The following DHRS9 variants were observed in gnomAD, a reference collection of about 807,000 sequenced individuals.
The protein encoded by DHRS9 is dehydrogenase/reductase SDR family member 9.
In DHRS9, 18 loss-of-function variants were observed where a neutral mutation model predicts 26.6. The ratio of observed to expected loss-of-function variants is 0.68; its 90% CI spans 0.47 to 1.00. DHRS9 has a LOEUF of 1.00. DHRS9 is among the 50% of genes least tolerant of loss of function. The probability of loss-of-function intolerance (pLI) is 0.00; values close to 1 mark genes in which losing one functional copy is unlikely to be tolerated. For synonymous variants in DHRS9, 134 were observed against 141.1 expected (o/e 0.95, Z 0.36); for missense variants, 425 against 378.7 (o/e 1.12, Z -1.01).
upstream of DHRS9, chr2:169,067,351 C>T (rs1683674542): frequency 6.7e-7 from 1 of 1,498,514 alleles, no homozygotes; most frequent in Non-Finnish European, 8.9e-7. Flanking sequence ...TGCAGGAAGC[C>T]TAACGTATGT....
At chr2:169,076,435 T>C (rs1319956412) in intron 1 of DHRS9, among the ~76,000 whole-genome samples, 1 of 152,238 alleles carries the variant, frequency 6.6e-6, no homozygotes, top group Non-Finnish European at 1.5e-5. Flanking sequence ...TGTTTAGAAA[T>C]TGGTTTCTGA....
In DHRS9 at chr2:169,081,788, A is replaced by T; in HGVS notation, c.207A>T (p.Leu69Phe). The change falls in exon 2 of 5, where the codon TTA becomes TTT. Residue 69 changes from leucine (L) to phenylalanine (F), a missense_variant. Coordinates refer to ENST00000674881, the MANE Select transcript of DHRS9 (RefSeq NM_001376924.1). ...TGACTGAATCAGGATCAACAGCTTTAAAGGCAGAAACCTCAGAGAGACTTC... is the reference window on the plus strand; with the variant it reads ...TGACTGAATCAGGATCAACAGCTTTTAAGGCAGAAACCTCAGAGAGACTTC... ...ACLTESGSTA[L>F]KAETSERLRT... The T allele has an allele frequency of 6.2e-7, 1 of 1,614,216 alleles. No homozygotes were observed. The highest frequency in any genetic ancestry group is 8.5e-7 in the Non-Finnish European group (1 of 1,180,034).
intron 1 of DHRS9, among the ~76,000 whole-genome samples, chr2:169,080,474 T>C (rs1465163758): frequency 6.6e-6 from 1 of 152,218 alleles, no homozygotes; most frequent in Admixed American, 6.5e-5. Context: ...CCATACAGCC[T>C]TGGCACCCAG....
chr2:169,067,906 A>T (rs1409415244), upstream of DHRS9, among the ~76,000 whole-genome samples: 1 of 152,162 alleles, frequency 6.6e-6, no homozygotes, highest in Non-Finnish European at 1.5e-5. Flanking sequence ...GGCCCACAGG[A>T]ATTGAGGGAC....
chr2:169,083,702 A>T (rs1298468490), intron 3 of DHRS9, 115 bp downstream of exon 3: 3 of 1,271,554 alleles, frequency 2.4e-6, no homozygotes, highest in Non-Finnish European at 3.2e-6. Context: ...TTTATCTCTA[A>T]TTTTTGTGGG....
chr2:169,094,813 T>C (rs1374880677), intron 4 of DHRS9, among the ~76,000 whole-genome samples: 2 of 152,178 alleles, frequency 1.3e-5, no homozygotes, highest in African/African-American at 4.8e-5. Context: ...ATACCATGTA[T>C]TGAAAAGACT....
intron 1 of DHRS9, chr2:169,074,201 T>C (rs1176180836): frequency 1.1e-6 from 1 of 879,128 alleles, no homozygotes; most frequent in African/African-American, 1.8e-5. Flanking sequence ...CGGCAGACAT[T>C]AGGTCACTTC....
At chr2:169,074,290 C>G (rs368526494) in intron 1 of DHRS9, 1 of 985,200 alleles carries the variant, frequency 1.0e-6, no homozygotes, top group African/African-American at 1.7e-5. Context: ...TTAATTTGTC[C>G]GAGGGCCCTC....
intron 1 of DHRS9, chr2:169,072,783 C>T (rs1683846313): frequency 2.9e-6 from 1 of 347,532 alleles, no homozygotes; most frequent in Non-Finnish European, 4.1e-6. Context: ...TGCCTGCTGT[C>T]GACTGATAAT....
At chr2:169,072,892 CCTCTA>C (rs1364563229) in intron 1 of DHRS9, among the ~76,000 whole-genome samples, 2 of 152,134 alleles carry the variant, frequency 1.3e-5, no homozygotes, top group Admixed American at 6.5e-5. Flanking sequence ...ATAGTTATGA[CCTCTA>C]CTCTACACCA....
In DHRS9 at chr2:169,095,931, G is replaced by A; in HGVS notation, c.*164G>A. 2 of 666,378 alleles carry A rather than the reference G, an allele frequency of 3.0e-6. No individual in the cohort carries two copies. Among genetic ancestry groups the A allele is most frequent in the Non-Finnish European group, 2.6e-6 (1 of 387,970 alleles). 41.3% of individuals were successfully genotyped at this position (666,378 alleles called of 1,614,324 possible). On this transcript the variant is annotated 3_prime_UTR_variant, in exon 5 of 5. Transcript: ENST00000674881. ...CCACCATCGCTGGTGGTATCCCAGG[G>A]TCCCTGCTCAAGTTTTCTTTGAAAA...
chr2:169,072,507 T>G (rs915442777), intron 1 of DHRS9: 1 of 606,206 alleles, frequency 1.6e-6, no homozygotes, highest in African/African-American at 2.0e-5. Context: ...GTCATTTATT[T>G]TTAAGAAACA....
At chr2:169,092,082 G>T in intron 4 of DHRS9, 129 bp downstream of exon 4, 3 of 1,047,382 alleles carry the variant, frequency 2.9e-6, no homozygotes, top group South Asian at 2.2e-5. Context: ...CATGGATCAG[G>T]GATCTCCTAT....
chr2:169,069,433 T>C, upstream of DHRS9: 1 of 985,480 alleles, frequency 1.0e-6, no homozygotes, highest in South Asian at 4.7e-5. Flanking sequence ...CTGATTCCTT[T>C]TGAAACATGC....
In DHRS9 at chr2:169,091,967, C is replaced by A; in HGVS notation, c.736+14C>A. ...ACATTGAAAAAAGTGAGTTTCCGGG[C>A]GGTGCCAATGTCCTCTAGAATTCTT... On this transcript the variant is annotated intron_variant, in intron 4 of 4. Transcript: ENST00000674881. 22 of 1,611,536 alleles carry A rather than the reference C, an allele frequency of 1.4e-5. No homozygotes were observed. Among genetic ancestry groups the A allele is most frequent in the Non-Finnish European group, 1.7e-5 (20 of 1,178,790 alleles).
At chr2:169,076,843 T>C (rs930664659) in intron 1 of DHRS9, among the ~76,000 whole-genome samples, 2 of 152,240 alleles carry the variant, frequency 1.3e-5, no homozygotes, top group African/African-American at 4.8e-5. Flanking sequence ...TGTATATGTA[T>C]TATATACTGT....
chr2:169,089,829 G>A (rs1344983798), intron 3 of DHRS9, among the ~76,000 whole-genome samples: 1 of 152,144 alleles, frequency 6.6e-6, no homozygotes, highest in Non-Finnish European at 1.5e-5. Flanking sequence ...CTGGAGAGGA[G>A]CCTGAGACCC....
chr2:169,085,298 G>A (rs553712191), intron 3 of DHRS9, among the ~76,000 whole-genome samples: 1 of 152,124 alleles, frequency 6.6e-6, no homozygotes, highest in Non-Finnish European at 1.5e-5. Context: ...TGTCCAGGGT[G>A]TCTTTGGCTA....
At chr2:169,067,398 T>C (rs866392777), upstream of DHRS9, 22 of 1,356,824 alleles carry the variant, frequency 1.6e-5, no homozygotes, top group South Asian at 3.0e-5. Flanking sequence ...TTCCTCCTTA[T>C]GTTTTGGTAT....
Sources: allele counts gnomAD v4.1 joint callset (sites outside exome capture counted in the v4.1 genomes callset), GRCh38; gene constraint gnomAD v4.1.1; transcripts MANE v1.5; gene names NCBI Gene and HGNC (gene_info 2026-07-23, HGNC 2026-07-21).